The following SEMA3A variants were observed in gnomAD, a reference collection of about 807,000 sequenced individuals.
The protein encoded by SEMA3A is semaphorin 3A.
A neutral mutation model predicts 97.9 loss-of-function variants in SEMA3A; 29 were observed. That is an observed-to-expected ratio of 0.30 (90% CI 0.22 to 0.40). SEMA3A has a LOEUF of 0.40. Among genes scored for constraint, SEMA3A ranks in the 10% least tolerant of loss-of-function variants. The pLI, the probability that SEMA3A is intolerant of heterozygous loss-of-function variation, is 1.00. For missense variants in SEMA3A, 763 were observed against 951.3 expected (o/e 0.80, Z 2.60); for synonymous variants, 321 against 323.7 (o/e 0.99, Z 0.09).
chr7:84,479,641 C>T (rs959541015), intron 1 of SEMA3A, among the ~76,000 whole-genome samples: 5 of 151,834 alleles, frequency 3.3e-5, no homozygotes, highest in African/African-American at 1.2e-4. Context: ...TTCAGAAAAT[C>T]GGGAAGGATA....
intron 4 of SEMA3A, among the ~76,000 whole-genome samples, chr7:84,069,110 T>C (rs1367317518): frequency 1.3e-5 from 2 of 152,128 alleles, no homozygotes; most frequent in African/African-American, 4.8e-5. Context: ...TAAATATAAT[T>C]TGATTTTTGG....
chr7:84,070,658 G>A (rs1477137432), intron 4 of SEMA3A, among the ~76,000 whole-genome samples: 1 of 151,890 alleles, frequency 6.6e-6, no homozygotes, highest in African/African-American at 2.4e-5. Context: ...TTTTTCAAAT[G>A]GCATTTTCTG....
chr7:84,110,465 G>A lies in SEMA3A; in HGVS notation c.453+5C>T, dbSNP rs777292626. 1.2e-5 allele frequency: 19 copies of A among 1,613,374 alleles called. No individual in the cohort carries two copies. Among genetic ancestry groups the A allele is most frequent in the Middle Eastern group, 1.6e-4 (1 of 6,078 alleles). On this transcript the variant is annotated splice_donor_5th_base_variant and intron_variant, in intron 4 of 16. Coordinates refer to ENST00000265362, the MANE Select transcript of SEMA3A (RefSeq NM_006080.3). The stretch of plus-strand genomic sequence containing the variant: ...CAAATATAATTTTTAAAAAGCCAGC[G>A]TTACCTCAGGATGATGTCCAATTTC...
intron 5 of SEMA3A, among the ~76,000 whole-genome samples, chr7:84,050,096 T>A (rs887282231): frequency 6.6e-6 from 1 of 151,578 alleles, no homozygotes; most frequent in African/African-American, 2.4e-5. Flanking sequence ...TGCCACATTT[T>A]CTTAATCCAG....
chr7:83,962,370 C>G (rs1788508554), intron 16 of SEMA3A, among the ~76,000 whole-genome samples: 1 of 152,070 alleles, frequency 6.6e-6, no homozygotes, highest in South Asian at 2.1e-4. Context: ...TGTAACCTCA[C>G]TTTTATTTTG....
intron 3 of SEMA3A, among the ~76,000 whole-genome samples, chr7:84,282,019 T>G (rs1255626931): frequency 6.6e-6 from 1 of 152,172 alleles, no homozygotes; most frequent in Non-Finnish European, 1.5e-5. Flanking sequence ...ATTTCTTGAT[T>G]GTCCATTTTA....
intron 3 of SEMA3A, among the ~76,000 whole-genome samples, chr7:84,291,925 T>C (rs1800757635): frequency 2.0e-5 from 3 of 152,156 alleles, no homozygotes; most frequent in African/African-American, 2.4e-5. Context: ...GCTGTAATCA[T>C]TGAAGTGTGC....
chr7:84,385,385 T>C (rs754885303), intron 1 of SEMA3A, among the ~76,000 whole-genome samples: 1 of 152,200 alleles, frequency 6.6e-6, no homozygotes, highest in Non-Finnish European at 1.5e-5. Context: ...GGGAATGTCC[T>C]CTACTTGGAG....
At chr7:84,024,320 C>T (rs1791461601) in intron 6 of SEMA3A, among the ~76,000 whole-genome samples, 1 of 152,070 alleles carries the variant, frequency 6.6e-6, no homozygotes, top group African/African-American at 2.4e-5. Flanking sequence ...GCGGGTGAAT[C>T]ACTTGAGGCC....
At chr7:84,323,073 A>C (rs1203031743) in intron 2 of SEMA3A, among the ~76,000 whole-genome samples, 1 of 152,226 alleles carries the variant, frequency 6.6e-6, no homozygotes, top group Non-Finnish European at 1.5e-5. Flanking sequence ...GTCAGTGTAT[A>C]ATGAAGATTA....
chr7:84,358,621 C>G (rs556282243), intron 2 of SEMA3A, among the ~76,000 whole-genome samples: 1 of 152,170 alleles, frequency 6.6e-6, no homozygotes, highest in African/African-American at 2.4e-5. Flanking sequence ...GCAATGTGGG[C>G]TCTTTTTTGG....
At chr7:84,218,119 T>C (rs1798792071) in intron 3 of SEMA3A, among the ~76,000 whole-genome samples, 1 of 152,152 alleles carries the variant, frequency 6.6e-6, no homozygotes, top group South Asian at 2.1e-4. Flanking sequence ...TCTTAAATGT[T>C]ACATTTGTAT....
At chr7:84,435,250 C>T (rs1269891064) in intron 1 of SEMA3A, among the ~76,000 whole-genome samples, 2 of 144,938 alleles carry the variant, frequency 1.4e-5, no homozygotes, top group Non-Finnish European at 3.0e-5. Context: ...CCATGTACAA[C>T]AGCTACACAC....
rs1800961814 is a variant in SEMA3A at position 84,299,806 on chromosome 7, G to GCTGGGAGCAGTGGCTCACAACTGTA, written c.-83+7400_-83+7401insTACAGTTGTGAGCCACTGCTCCCAG. On this transcript the variant is annotated intron_variant, in intron 3 of 3. Transcript: ENST00000424555. ...ACAAGCAAACAAATGAATAAGACTA[G>GCTGGGAGCAGTGGCTCACAACTGTA]ATCACCTGAGGTCAGGAGTTTGAGA... Among the ~76,000 whole-genome samples, 4 of 1,158 alleles carry GCTGGGAGCAGTGGCTCACAACTGTA rather than the reference G, an allele frequency of 3.5e-3. 1 individual carries two copies. The highest frequency in any genetic ancestry group is 0.014 in the Admixed American group (1 of 74). 0.8% of individuals were successfully genotyped at this position (1,158 alleles called of 152,430 possible). A position where few individuals can be genotyped will look rare whatever the true frequency, so the allele number is the denominator to read the frequency against.
chr7:84,450,640 A>G (rs542526860), intron 1 of SEMA3A, among the ~76,000 whole-genome samples: 1 of 152,292 alleles, frequency 6.6e-6, no homozygotes, highest in Admixed American at 6.5e-5. Flanking sequence ...TGTAAGTAGT[A>G]AATTTACTTT....
Position 84,443,590 on chromosome 7 carries a change from C to T in SEMA3A, c.-246+48870G>A, listed in dbSNP as rs143440552. Reference sequence around the variant, plus strand: ...TCATGATTTCCCCTTGAAACTCTCACGAAATTGCTCTTCTTTGTTAAGAGG... The same window carrying T: ...TCATGATTTCCCCTTGAAACTCTCATGAAATTGCTCTTCTTTGTTAAGAGG... On this transcript the variant is annotated intron_variant, in intron 1 of 3. Transcript: ENST00000424555. Among the ~76,000 whole-genome samples, 296 of 152,232 alleles carry T rather than the reference C, an allele frequency of 1.9e-3. 1 individual carries two copies. The highest frequency in any genetic ancestry group is 6.9e-3 in the African/African-American group (285 of 41,546).
chr7:84,284,037 G>T (rs933304970), intron 3 of SEMA3A, among the ~76,000 whole-genome samples: 2 of 152,116 alleles, frequency 1.3e-5, no homozygotes, highest in Non-Finnish European at 2.9e-5. Flanking sequence ...GCATACAAAA[G>T]ATTTGAATGA....
Position 83,957,906 on chromosome 7 carries a change from A to T in SEMA3A, c.*3465T>A, listed in dbSNP as rs1788330443. On this transcript the variant is annotated 3_prime_UTR_variant, in exon 17 of 17. Coordinates refer to ENST00000265362, the MANE Select transcript of SEMA3A (RefSeq NM_006080.3). ...TCTGTCTTTGAAACCATGAAACCTG[A>T]TACAGTTTCATTAAATTGAATGGAA... 6.6e-6 allele frequency: 1 copy of T among 152,048 alleles called. No homozygotes were observed. Among genetic ancestry groups the T allele is most frequent in the Non-Finnish European group, 1.5e-5 (1 of 67,958 alleles). 9.4% of individuals were successfully genotyped at this position (152,048 alleles called of 1,614,324 possible).
At chr7:84,249,642 T>A (rs1476522348) in intron 3 of SEMA3A, among the ~76,000 whole-genome samples, 1 of 152,024 alleles carries the variant, frequency 6.6e-6, no homozygotes, top group Non-Finnish European at 1.5e-5. Flanking sequence ...AAATACTATA[T>A]GATACTGAAA....
Sources: gnomAD v4.1 joint callset for allele counts (sites outside exome capture counted in the v4.1 genomes callset) on GRCh38, gnomAD v4.1.1 for gene constraint, MANE v1.5 for transcripts, NCBI Gene and HGNC (gene_info 2026-07-23, HGNC 2026-07-21) for gene names.